Variants in VPS53 observed in about 807,000 individuals in gnomAD.
VPS53 encodes vacuolar protein sorting-associated protein 53 homolog.
In VPS53, 70 loss-of-function variants were observed where a neutral mutation model predicts 107.0. The ratio of observed to expected loss-of-function variants is 0.65; its 90% CI spans 0.54 to 0.80. The LOEUF (loss-of-function observed/expected upper bound fraction) is 0.80. VPS53 is among the 30% of genes least tolerant of loss of function. The probability of loss-of-function intolerance (pLI) is 0.00; values close to 1 mark genes in which losing one functional copy is unlikely to be tolerated. For missense variants in VPS53, 917 were observed against 1,049.4 expected (o/e 0.87, Z 1.74); for synonymous variants, 409 against 393.3 (o/e 1.04, Z -0.47).
intron 4 of VPS53, among the ~76,000 whole-genome samples, chr17:666,907 A>G (rs1971715258): frequency 6.6e-6 from 1 of 152,210 alleles, no homozygotes; most frequent in South Asian, 2.1e-4. Flanking sequence ...CGACAGAGCA[A>G]GACTCCATCT....
chr17:572,943 G>GT (rs1428502045), intron 13 of VPS53, among the ~76,000 whole-genome samples: 1 of 151,762 alleles, frequency 6.6e-6, no homozygotes, highest in Admixed American at 6.6e-5. Flanking sequence ...TTGTTCACTT[G>GT]TTTATCTGCT....
rs60960150 is a variant in VPS53 at position 647,305 on chromosome 17, G to T, written c.608+5986C>A. ...CAGTTTTGTTACATCTGTTATACTG[G>T]AATCTTCTATTAATGTCTTTCTTCT... On this transcript the variant is annotated intron_variant, in intron 7 of 21. Coordinates refer to ENST00000437048, the MANE Select transcript of VPS53 (RefSeq NM_001128159.3). Among the ~76,000 whole-genome samples, 399 of 152,250 alleles carry T rather than the reference G, an allele frequency of 2.6e-3. 3 individuals are homozygous for T. Among genetic ancestry groups the T allele is most frequent in the African/African-American group, 9.3e-3 (386 of 41,522 alleles).
intron 12 of VPS53, among the ~76,000 whole-genome samples, chr17:594,068 C>T (rs1027091657): frequency 1.3e-5 from 2 of 151,882 alleles, no homozygotes; most frequent in African/African-American, 4.8e-5. Context: ...AACAAAAAAC[C>T]AAACACCGCA....
At chr17:654,710 C>A (rs1356856258) in intron 6 of VPS53, among the ~76,000 whole-genome samples, 1 of 138,004 alleles carries the variant, frequency 7.2e-6, no homozygotes, top group African/African-American at 2.9e-5. Context: ...GCACTCCAGC[C>A]TGGGCGACAG....
rs1486495916 is a variant in VPS53, at chr17:519,255, C to T, written c.2372G>A (p.Arg791His). The change falls in exon 22 of 22, where the codon CGC (arginine) becomes CAC (histidine). Residue 791 changes from arginine (R) to histidine (H), a missense_variant. Physicochemically the swap from Arg to His is conservative, Grantham distance 29. Transcript: ENST00000437048. The surrounding 1 kb of genome is among the most constrained non-coding windows in gnomAD (Gnocchi z 5.0). ...SEQSSMLELL[R>H]QRLPAPPSGA... ...CGAGGGCGGTGCGGGGAGCCGCTGG[C>T]GCAGGAGTTCCAGCATGCTGCTCTG... The T allele has an allele frequency of 3.2e-6, 5 of 1,538,790 alleles. No homozygotes were observed. Among genetic ancestry groups the T allele is most frequent in the Admixed American group, 4.2e-5 (2 of 47,868 alleles).
At chr17:600,342 A>G (rs1968271950) in intron 12 of VPS53, among the ~76,000 whole-genome samples, 1 of 152,198 alleles carries the variant, frequency 6.6e-6, no homozygotes. Context: ...TCCTGCGCAA[A>G]GCATGCTCAC....
At chr17:634,678 G>A (rs1970116390) in intron 7 of VPS53, among the ~76,000 whole-genome samples, 1 of 151,740 alleles carries the variant, frequency 6.6e-6, no homozygotes, top group Admixed American at 6.6e-5. Flanking sequence ...AGTTTGCTGA[G>A]AATGATGGTT....
rs1159405833 is a variant in VPS53, at chr17:646,244, T to C, written c.608+7047A>G. ...TGGCCTCTGCCTGATAAGGGTCTTA[T>C]CTTTTCTAATCCATACCACGGACTG... On this transcript the variant is annotated intron_variant, in intron 7 of 21. Coordinates refer to ENST00000437048, the MANE Select transcript of VPS53 (RefSeq NM_001128159.3). Among the ~76,000 whole-genome samples the C allele has an allele frequency of 1.2e-4, 15 of 126,476 alleles. 4 individuals carry two copies. The Admixed American group carries it at 1.4e-3, about 11-fold the overall frequency. The allele number at this position is 126,476 out of a possible 152,430, so 83.0% of individuals were successfully genotyped here.
intron 11 of VPS53, among the ~76,000 whole-genome samples, chr17:609,421 T>C (rs1313704708): frequency 2.6e-5 from 4 of 152,212 alleles, no homozygotes; most frequent in Non-Finnish European, 5.9e-5. Context: ...TTTTGGCTAT[T>C]GTGAATAGTG....
In VPS53 at chr17:627,316, C is replaced by A; in HGVS notation, c.832G>T (p.Val278Phe). ...CTGTCGATTTTGTCCAGCCAGGCAACCTGGTGAAGGTGGAGATCAAAAGCC... is the reference window on the plus strand; with the variant it reads ...CTGTCGATTTTGTCCAGCCAGGCAAACTGGTGAAGGTGGAGATCAAAAGCC... ...YLVLFQENQD[V>F]AWLDKIDRRY... Residue 278 changes from valine (V) to phenylalanine (F), a missense_variant and splice_region_variant, in exon 10 of 22, where the codon GTT becomes TTT. Transcript: ENST00000437048. The A allele has an allele frequency of 6.2e-7, 1 of 1,612,584 alleles. No homozygotes were observed. Among genetic ancestry groups the A allele is most frequent in the East Asian group, 2.2e-5 (1 of 44,840 alleles).
intron 12 of VPS53, among the ~76,000 whole-genome samples, chr17:592,320 C>T (rs1373730770): frequency 1.3e-5 from 2 of 152,182 alleles, no homozygotes; most frequent in African/African-American, 2.4e-5. Context: ...ATACAGCACA[C>T]TGATGGGTCT....
intron 3 of VPS53, among the ~76,000 whole-genome samples, 175 bp from the exon 4 acceptor site, chr17:697,659 G>A (rs1222906482): frequency 2.6e-5 from 4 of 151,780 alleles, no homozygotes; most frequent in South Asian, 2.1e-4. Flanking sequence ...ACAGCCGTGC[G>A]GGAAGTCAAG....
At chr17:600,275 G>A (rs1377372902) in intron 12 of VPS53, among the ~76,000 whole-genome samples, 1 of 152,188 alleles carries the variant, frequency 6.6e-6, no homozygotes, top group Admixed American at 6.5e-5. Context: ...CACAATTTCG[G>A]ACATGACCAT....
At position 628,075 on chromosome 17, in the gene VPS53, G is replaced by T. The variant is rs768194156; in HGVS notation, c.831+13C>A. 6.2e-7 allele frequency: 1 copy of T among 1,606,338 alleles called. No individual in the cohort carries two copies. Among genetic ancestry groups the T allele is most frequent in the Admixed American group, 1.7e-5 (1 of 58,114 alleles). On this transcript the variant is annotated intron_variant, in intron 9 of 21. Transcript: ENST00000437048. ...TCAAATGTTACATCTGATCTTATTT[G>T]GTCAATACTCACATCTTGGTTTTCT... is the stretch of plus-strand genomic sequence containing the variant.
intron 4 of VPS53, among the ~76,000 whole-genome samples, chr17:683,664 T>C (rs974274905): frequency 1.3e-5 from 2 of 152,226 alleles, no homozygotes; most frequent in Non-Finnish European, 2.9e-5. Context: ...TAACATGTTA[T>C]ACACCTTACA....
chr17:531,743 C>A (rs1909569925), intron 19 of VPS53, among the ~76,000 whole-genome samples: 1 of 147,146 alleles, frequency 6.8e-6, no homozygotes, highest in Non-Finnish European at 1.5e-5. Flanking sequence ...GTGATCCTCC[C>A]ATCTCAGCCT....
chr17:709,928 C>T (rs1428608357), intron 2 of VPS53, among the ~76,000 whole-genome samples: 4 of 152,066 alleles, frequency 2.6e-5, no homozygotes, highest in African/African-American at 7.2e-5. Context: ...AGGTGGATCA[C>T]GAGGTCAGGA....
At chr17:620,184 G>A (rs1410029449) in intron 11 of VPS53, among the ~76,000 whole-genome samples, 1 of 152,214 alleles carries the variant, frequency 6.6e-6, no homozygotes, top group African/African-American at 2.4e-5. Context: ...AAAGTCGTGA[G>A]TGAGCCCAAG....
intron 11 of VPS53, among the ~76,000 whole-genome samples, chr17:606,070 A>G (rs1273213485): frequency 2.0e-5 from 3 of 152,126 alleles, no homozygotes. Context: ...TGTTCCAGGA[A>G]AGGGCTGATG....
Sources: allele counts gnomAD v4.1 joint callset (sites outside exome capture counted in the v4.1 genomes callset), GRCh38; gene constraint gnomAD v4.1.1; non-coding constraint Gnocchi (gnomAD v3.1); transcripts MANE v1.5; gene names NCBI Gene and HGNC (gene_info 2026-07-23, HGNC 2026-07-21).